The following USPL1 variants were observed in gnomAD, a reference collection of about 807,000 sequenced individuals.
USPL1 encodes SUMO-specific isopeptidase USPL1.
In USPL1, 27 loss-of-function variants were observed where a neutral mutation model predicts 51.5. The ratio of observed to expected loss-of-function variants is 0.52; its 90% CI spans 0.39 to 0.72. USPL1 has a LOEUF of 0.72. USPL1 is among the 30% of genes least tolerant of loss of function. The pLI is 0.00. For synonymous variants in USPL1, 451 were observed against 459.6 expected, an observed-to-expected ratio of 0.98 and a Z score of 0.24; for missense variants, 1,226 against 1,268.0, an observed-to-expected ratio of 0.97 and a Z score of 0.50.
chr13:30,653,188 C>T lies in USPL1; in HGVS notation c.1279C>T (p.Pro427Ser), dbSNP rs1325165417. 3.7e-6 allele frequency: 6 copies of T among 1,611,988 alleles called. No individual in the cohort carries two copies. The African/African-American group carries it at 6.7e-5, about 18-fold the overall frequency. The change falls in exon 8 of 9, where the codon CCA becomes TCA. Residue 427 changes from proline to serine, a missense_variant. Coordinates refer to ENST00000255304, the MANE Select transcript of USPL1 (RefSeq NM_005800.5). ...CATGTTGCACTTTGTAGAAGGCTTACCACAGAATGACTTGCAGCACTATGC... is the reference window on the plus strand; with the variant it reads ...CATGTTGCACTTTGTAGAAGGCTTATCACAGAATGACTTGCAGCACTATGC... ...IFMLHFVEGL[P>S]QNDLQHYAFH...
At chr13:30,636,808 C>T (rs1452754451) in intron 4 of USPL1, among the ~76,000 whole-genome samples, 4 of 152,182 alleles carry the variant, frequency 2.6e-5, no homozygotes, top group Admixed American at 2.6e-4. Context: ...GTTGAGGCTG[C>T]AAGATGGCTT....
In USPL1 at chr13:30,658,250, T is replaced by G; in HGVS notation, c.2173T>G (p.Leu725Val). The change falls in exon 9 of 9, where the codon TTG (leucine) becomes GTG (valine). Residue 725 changes from leucine (L) to valine (V), a missense_variant. By Grantham distance (32) the Leu-to-Val change is conservative. Coordinates refer to ENST00000255304, the MANE Select transcript of USPL1 (RefSeq NM_005800.5). ...ACGTGTCACATCTCAGGTATCTAATTTGAAGAAAAAAGAAACTACAGCAGA... is the reference window on the plus strand; with the variant it reads ...ACGTGTCACATCTCAGGTATCTAATGTGAAGAAAAAAGAAACTACAGCAGA... ...PERVTSQVSNLKKKETTADSQ... is the reference protein window; with the variant it reads ...PERVTSQVSNVKKKETTADSQ... The G allele has an allele frequency of 1.2e-6, 2 of 1,612,424 alleles. No individual in the cohort carries two copies. The highest frequency in any genetic ancestry group is 2.2e-5 in the South Asian group (2 of 90,468).
chr13:30,628,023 T>A (rs935553363), intron 3 of USPL1, among the ~76,000 whole-genome samples: 27 of 149,466 alleles, frequency 1.8e-4, no homozygotes, highest in Non-Finnish European at 3.0e-4. Context: ...ACTACAGGGG[T>A]GCACCACCAT....
rs1950645130 is a variant in USPL1 at position 30,621,350 on chromosome 13, C to T, written c.99+111C>T. 4 of 761,466 alleles carry T rather than the reference C, an allele frequency of 5.3e-6. No individual in the cohort carries two copies. The South Asian group carries it at 7.6e-5, about 14-fold the overall frequency. 47.2% of individuals were successfully genotyped at this position (761,466 alleles called of 1,614,324 possible). A position where few individuals can be genotyped will look rare whatever the true frequency, so the allele number is the denominator to read the frequency against. On this transcript the variant is annotated intron_variant, in intron 2 of 8. Coordinates refer to ENST00000255304, the MANE Select transcript of USPL1 (RefSeq NM_005800.5). ...TTAACTTCTAAAAAATTGTGTCTTC[C>T]ACGGAAATCTTACAGTAATGGCGAA...
intron 1 of USPL1, among the ~76,000 whole-genome samples, chr13:30,619,537 G>C (rs1950620782): frequency 6.6e-6 from 1 of 152,194 alleles, no homozygotes; most frequent in African/African-American, 2.4e-5. Context: ...TAGCCTACTA[G>C]TTTCCCATTT....
intron 7 of USPL1, among the ~76,000 whole-genome samples, chr13:30,649,463 C>G (rs547048685): frequency 4.6e-5 from 7 of 152,330 alleles, no homozygotes; most frequent in African/African-American, 1.7e-4. Context: ...CCTTATCTCA[C>G]ATAACCCACA....
intron 3 of USPL1, among the ~76,000 whole-genome samples, chr13:30,626,262 A>C (rs771789320): frequency 1.3e-5 from 2 of 152,130 alleles, no homozygotes; most frequent in Non-Finnish European, 2.9e-5. Context: ...GCAGTGAGCC[A>C]AGATTTGAGC....
chr13:30,649,120 G>A (rs1951055468), intron 7 of USPL1, among the ~76,000 whole-genome samples: 1 of 152,168 alleles, frequency 6.6e-6, no homozygotes, highest in Non-Finnish European at 1.5e-5. Flanking sequence ...GGATTCATTA[G>A]GTAAAAGTCT....
rs116171164 is a variant in USPL1, at chr13:30,644,635, C to T, written c.1112+1878C>T. Among the ~76,000 whole-genome samples the T allele has an allele frequency of 9.2e-3, 1,393 of 152,166 alleles. 25 individuals are homozygous for T. The highest frequency in any genetic ancestry group is 0.032 in the African/African-American group (1,316 of 41,494). On this transcript the variant is annotated intron_variant, in intron 6 of 8. Transcript: ENST00000255304. The stretch of plus-strand genomic sequence containing the variant: ...AATGTGTGGAATGGCAGCTGGTGGG[C>T]AACAGAGCGATATTGGCATGGTGGT...
chr13:30,636,328 C>T (rs1216776178), intron 4 of USPL1, among the ~76,000 whole-genome samples: 1 of 151,158 alleles, frequency 6.6e-6, no homozygotes, highest in East Asian at 1.9e-4. Flanking sequence ...TATGTTTGAG[C>T]TGCATTACTT....
rs560076407 is a variant in USPL1 at position 30,656,028 on chromosome 13, A to G, written c.1397-1446A>G. 3.3e-5 allele frequency among the ~76,000 whole-genome samples: 5 copies of G among 152,304 alleles called. No individual in the cohort carries two copies. In the South Asian group the frequency reaches 1.0e-3, roughly 32 times the overall value. On this transcript the variant is annotated intron_variant, in intron 8 of 8. Coordinates refer to ENST00000255304, the MANE Select transcript of USPL1 (RefSeq NM_005800.5). Reference sequence around the variant, plus strand: ...TGATAAGTTTCTAATGAAAGTACAGATATTTGTTGATTATTTATTAAGAAA... The same window carrying G: ...TGATAAGTTTCTAATGAAAGTACAGGTATTTGTTGATTATTTATTAAGAAA...
At chr13:30,644,055 C>T (rs986158825) in intron 6 of USPL1, among the ~76,000 whole-genome samples, 7 of 151,596 alleles carry the variant, frequency 4.6e-5, no homozygotes, top group African/African-American at 1.5e-4. Context: ...TAGGCCGAGG[C>T]GGGTGGATCA....
At chr13:30,634,200 A>G (rs1950844544) in intron 4 of USPL1, among the ~76,000 whole-genome samples, 1 of 152,214 alleles carries the variant, frequency 6.6e-6, no homozygotes, top group Admixed American at 6.5e-5. Flanking sequence ...TACCATGGCA[A>G]TAGATCGCAT....
At chr13:30,623,323 C>T (rs903203787) in intron 3 of USPL1, among the ~76,000 whole-genome samples, 20 of 152,110 alleles carry the variant, frequency 1.3e-4, no homozygotes, top group African/African-American at 4.8e-4. Context: ...GGGAGCTGGA[C>T]CAAGTAGGGT....
intron 3 of USPL1, among the ~76,000 whole-genome samples, chr13:30,630,543 A>G (rs1019026483): frequency 3.9e-5 from 6 of 152,224 alleles, no homozygotes; most frequent in African/African-American, 1.4e-4. Context: ...AATTCACTTA[A>G]CATTAGATTT....
intron 5 of USPL1, among the ~76,000 whole-genome samples, chr13:30,638,868 TATG>T (rs1227038782): frequency 1.3e-5 from 2 of 150,002 alleles, no homozygotes; most frequent in Non-Finnish European, 3.0e-5. Context: ...CATTATAAAA[TATG>T]ATATTTTATA....
intron 3 of USPL1, among the ~76,000 whole-genome samples, chr13:30,629,402 T>G (rs1373470304): frequency 2.0e-5 from 3 of 152,110 alleles, no homozygotes; most frequent in African/African-American, 7.2e-5. Context: ...TTGTAGGATC[T>G]CTTGATCCCA....
intron 4 of USPL1, among the ~76,000 whole-genome samples, chr13:30,636,673 C>T (rs1308083358): frequency 6.6e-6 from 1 of 152,058 alleles, no homozygotes. Context: ...AGGTATTTAT[C>T]ACAATAGTAT....
intron 1 of USPL1, among the ~76,000 whole-genome samples, chr13:30,620,848 A>G (rs760796165): frequency 6.6e-6 from 1 of 152,188 alleles, no homozygotes; most frequent in East Asian, 1.9e-4. Context: ...TGAGTCTGCT[A>G]TGAAAACCGG....
Sources: gnomAD v4.1 joint callset for allele counts (sites outside exome capture counted in the v4.1 genomes callset) on GRCh38, gnomAD v4.1.1 for gene constraint, MANE v1.5 for transcripts, NCBI Gene and HGNC (gene_info 2026-07-23, HGNC 2026-07-21) for gene names.